The following VTI1A variants were observed in gnomAD, a reference collection of about 807,000 sequenced individuals.
The protein encoded by VTI1A is vesicle transport through interaction with t-SNAREs 1A, also known as vesicle transport through interaction with t-SNAREs homolog 1A.
VTI1A carries 22 observed loss-of-function variants against 34.9 expected under a neutral mutation model. The ratio of observed to expected loss-of-function variants is 0.63; its 90% CI spans 0.45 to 0.90. The LOEUF (loss-of-function observed/expected upper bound fraction) is 0.90, where lower values mean the gene tolerates loss of function less well. Ranked by LOEUF, VTI1A falls within the 40% of genes least tolerant of loss-of-function variation. VTI1A has a pLI of 0.00. For missense variants in VTI1A, 268 were observed against 275.6 expected, an observed-to-expected ratio of 0.97 and a Z score of 0.20; for synonymous variants, 87 against 97.3, an observed-to-expected ratio of 0.89 and a Z score of 0.62.
chr10:112,489,122 G>A (rs553449996), intron 3 of VTI1A, among the ~76,000 whole-genome samples: 11 of 152,274 alleles, frequency 7.2e-5, no homozygotes, highest in African/African-American at 1.9e-4. Flanking sequence ...AGGCCCAGGT[G>A]GGGCCGAGAC....
intron 7 of VTI1A, among the ~76,000 whole-genome samples, chr10:112,781,591 A>G (rs1232367942): frequency 5.3e-5 from 8 of 152,032 alleles, no homozygotes; most frequent in Non-Finnish European, 8.8e-5. Context: ...CTGTGATCCC[A>G]GCACTTTGGG....
chr10:112,671,607 C>T (rs1847849169), intron 7 of VTI1A, among the ~76,000 whole-genome samples: 1 of 152,128 alleles, frequency 6.6e-6, no homozygotes. Context: ...AATGGCTTGG[C>T]ACGGCTCATC....
chr10:112,583,286 G>C (rs1239373484), intron 5 of VTI1A, among the ~76,000 whole-genome samples: 3 of 152,116 alleles, frequency 2.0e-5, no homozygotes, highest in African/African-American at 7.2e-5. Context: ...CTTCGGTTTG[G>C]TAATGTCTTC....
chr10:112,791,131 A>G (rs1852459774), intron 7 of VTI1A, among the ~76,000 whole-genome samples: 1 of 152,172 alleles, frequency 6.6e-6, no homozygotes, highest in Non-Finnish European at 1.5e-5. Context: ...CCATTAGCTG[A>G]CCCAAAGGCA....
chr10:112,559,103 C>A (rs1851632480), intron 5 of VTI1A, among the ~76,000 whole-genome samples: 1 of 152,100 alleles, frequency 6.6e-6, no homozygotes, highest in African/African-American at 2.4e-5. Context: ...CCATCCTCTC[C>A]AAATAATTCA....
intron 5 of VTI1A, among the ~76,000 whole-genome samples, chr10:112,594,920 G>A (rs61872364): frequency 2.7e-5 from 4 of 150,464 alleles, no homozygotes; most frequent in Admixed American, 2.6e-4. Context: ...ATACTACAAG[G>A]CTACAGTAAC....
At chr10:112,741,442 T>TA (rs1564907765) in intron 7 of VTI1A, among the ~76,000 whole-genome samples, 2 of 152,200 alleles carry the variant, frequency 1.3e-5, no homozygotes, top group Middle Eastern at 3.4e-3. Flanking sequence ...TCTCAAAAAC[T>TA]AAAAAACAAA....
At chr10:112,821,012 C>G (rs1853641261), downstream of VTI1A, among the ~76,000 whole-genome samples, 1 of 152,142 alleles carries the variant, frequency 6.6e-6, no homozygotes. Context: ...AGTCAAACAC[C>G]CCTGTGGCCA....
intron 3 of VTI1A, among the ~76,000 whole-genome samples, chr10:112,497,960 A>G (rs1849086743): frequency 6.6e-6 from 1 of 152,222 alleles, no homozygotes; most frequent in African/African-American, 2.4e-5. Context: ...AAAATAAGAA[A>G]TCATGCTGTT....
intron 7 of VTI1A, among the ~76,000 whole-genome samples, chr10:112,734,818 A>G (rs982103436): frequency 3.9e-5 from 6 of 151,928 alleles, no homozygotes; most frequent in Non-Finnish European, 8.8e-5. Context: ...ATGCCAGGCT[A>G]ATTTTTTTGT....
intron 7 of VTI1A, among the ~76,000 whole-genome samples, chr10:112,813,902 C>T (rs1306591740): frequency 2.6e-5 from 4 of 152,132 alleles, no homozygotes; most frequent in Non-Finnish European, 4.4e-5. Flanking sequence ...GGCAGTTTTG[C>T]GGAAGACGTG....
intron 7 of VTI1A, among the ~76,000 whole-genome samples, chr10:112,705,482 A>G (rs1470663446): frequency 6.6e-6 from 1 of 152,048 alleles, no homozygotes; most frequent in African/African-American, 2.4e-5. Context: ...TCCCAGAAGA[A>G]CCAAAGGCAC....
Position 112,447,343 on chromosome 10 carries a change from T to G in VTI1A, c.-31T>G. The stretch of plus-strand genomic sequence containing the variant: ...TCGAGGCCCTTTCCCTGACCTAGGC[T>G]TTGGCCTGGGCTACTCGTTCCGGAG... On this transcript the variant is annotated 5_prime_UTR_variant, in exon 1 of 8. Coordinates refer to ENST00000393077, the MANE Select transcript of VTI1A (RefSeq NM_145206.4). 3.1e-6 allele frequency: 5 copies of G among 1,607,366 alleles called. No homozygotes were observed. Among genetic ancestry groups the G allele is most frequent in the Non-Finnish European group, 4.2e-6 (5 of 1,177,024 alleles).
chr10:112,701,281 A>G (rs955393304), intron 7 of VTI1A, among the ~76,000 whole-genome samples: 4 of 152,198 alleles, frequency 2.6e-5, no homozygotes, highest in African/African-American at 9.7e-5. Flanking sequence ...TTAAACACAG[A>G]ACAAGATCAG....
At chr10:112,469,220 A>T (rs569878411) in intron 3 of VTI1A, among the ~76,000 whole-genome samples, 1 of 151,998 alleles carries the variant, frequency 6.6e-6, no homozygotes, top group African/African-American at 2.4e-5. Context: ...CCTAGATTTT[A>T]TTGTTATTTT....
At chr10:112,504,187 T>C (rs1019307789) in intron 3 of VTI1A, among the ~76,000 whole-genome samples, 4 of 152,178 alleles carry the variant, frequency 2.6e-5, no homozygotes, top group Non-Finnish European at 4.4e-5. Context: ...ATTACAGTTA[T>C]GATGATTATA....
intron 3 of VTI1A, among the ~76,000 whole-genome samples, chr10:112,465,398 G>T (rs1847863557): frequency 6.6e-6 from 1 of 152,204 alleles, no homozygotes; most frequent in African/African-American, 2.4e-5. Context: ...CTCAGAGAGA[G>T]ATCTGCACAT....
intron 5 of VTI1A, among the ~76,000 whole-genome samples, chr10:112,587,995 G>C (rs190538865): frequency 7.9e-4 from 120 of 151,800 alleles, no homozygotes; most frequent in Non-Finnish European, 2.8e-4. Context: ...CCATTGAAAT[G>C]AAATTAAAAA....
At chr10:112,531,063 TCACACACACACACA>T (rs10670312) in intron 4 of VTI1A, among the ~76,000 whole-genome samples, 8 of 139,844 alleles carry the variant, frequency 5.7e-5, no homozygotes, top group Non-Finnish European at 9.2e-5. Flanking sequence ...GTGACACACC[TCACACACACACACA>T]CACACACACA....
Sources: gnomAD v4.1 joint callset for allele counts (sites outside exome capture counted in the v4.1 genomes callset) on GRCh38, gnomAD v4.1.1 for gene constraint, MANE v1.5 for transcripts, NCBI Gene and HGNC (gene_info 2026-07-23, HGNC 2026-07-21) for gene names.